CRB1: variants seen among roughly 807,000 people sequenced by gnomAD.
CRB1 encodes crumbs cell polarity complex component 1, also known as protein crumbs homolog 1.
CRB1 carries 83 observed loss-of-function variants against 120.0 expected under a neutral mutation model. The ratio of observed to expected loss-of-function variants is 0.69; its 90% CI spans 0.58 to 0.83. The LOEUF (loss-of-function observed/expected upper bound fraction) is 0.83. Among genes scored for constraint, CRB1 ranks in the 40% least tolerant of loss-of-function variants. CRB1 has a pLI of 0.00. For missense variants in CRB1, 1,699 were observed against 1,687.6 expected (o/e 1.01, Z -0.12); for synonymous variants, 625 against 612.5 (o/e 1.02, Z -0.30).
chr1:197,219,019 T>C, the CRB1 span, among the ~76,000 whole-genome samples: 2 of 152,024 alleles, frequency 1.3e-5, no homozygotes, highest in Non-Finnish European at 2.9e-5. Flanking sequence ...GGACTAAAGC[T>C]CATGTAGCTA....
intron 11 of CRB1, among the ~76,000 whole-genome samples, chr1:197,451,687 A>G (rs991385303): frequency 2.0e-5 from 3 of 152,236 alleles, no homozygotes; most frequent in Admixed American, 2.0e-4. Flanking sequence ...TTCATCCTCA[A>G]TCATTTCCAA....
At chr1:197,367,186 A>G (rs1661121992) in intron 5 of CRB1, among the ~76,000 whole-genome samples, 3 of 152,192 alleles carry the variant, frequency 2.0e-5, no homozygotes, top group African/African-American at 2.4e-5. Flanking sequence ...CACTACTAGA[A>G]GGAATGTTGG....
chr1:197,289,101 G>A (rs751630694), intron 1 of CRB1, among the ~76,000 whole-genome samples: 5 of 151,350 alleles, frequency 3.3e-5, no homozygotes, highest in Non-Finnish European at 7.4e-5. Context: ...GAGCTGCAAC[G>A]GGACAGACCA....
At chr1:197,449,972 A>C (rs1251792511) in intron 11 of CRB1, among the ~76,000 whole-genome samples, 1 of 152,184 alleles carries the variant, frequency 6.6e-6, no homozygotes, top group Non-Finnish European at 1.5e-5. Flanking sequence ...GTAAGATTGC[A>C]AACGTCTCTC....
At chr1:197,267,137 A>G (rs1046006641), upstream of CRB1, among the ~76,000 whole-genome samples, 2 of 152,170 alleles carry the variant, frequency 1.3e-5, no homozygotes, top group Non-Finnish European at 2.9e-5. Context: ...CTGCTTCTCA[A>G]TTCTCCAATT....
At chr1:197,402,566 G>A (rs534435443) in intron 5 of CRB1, among the ~76,000 whole-genome samples, 1 of 152,198 alleles carries the variant, frequency 6.6e-6, no homozygotes, top group African/African-American at 2.4e-5. Flanking sequence ...AAGAAAAATA[G>A]GTCAGCTGTC....
chr1:197,266,124 TC>T (rs1483710432), upstream of CRB1, among the ~76,000 whole-genome samples: 5 of 152,238 alleles, frequency 3.3e-5, no homozygotes, highest in Non-Finnish European at 7.3e-5. Flanking sequence ...ATATCCTTTT[TC>T]TGTAAAACTC....
intron 1 of CRB1, among the ~76,000 whole-genome samples, chr1:197,285,564 C>T (rs1478457314): frequency 1.3e-5 from 2 of 151,826 alleles, no homozygotes; most frequent in Non-Finnish European, 2.9e-5. Flanking sequence ...GCAAATATTA[C>T]AACTGGGCTA....
At chr1:197,365,598 CCTTCTCCTTCTCCTT>C (rs1230764818) in intron 5 of CRB1, among the ~76,000 whole-genome samples, 1 of 142,038 alleles carries the variant, frequency 7.0e-6, no homozygotes, top group Middle Eastern at 3.3e-3. Flanking sequence ...TCCTTCTCCT[CCTTCTCCTTCTCCTT>C]CTTCTTCTTC....
In CRB1 at chr1:197,401,478, A is replaced by T. The variant is rs144923095; in HGVS notation, c.1172-19522A>T. 4.5e-4 allele frequency among the ~76,000 whole-genome samples: 68 copies of T among 152,300 alleles called. No homozygotes were observed. The East Asian group carries it at 0.012, about 28-fold the overall frequency. ...TGATAGCATGGTCTTTGCTAACATAATCATGAGCTTGGGAACAAATTGTTG... is the reference window on the plus strand; with the variant it reads ...TGATAGCATGGTCTTTGCTAACATATTCATGAGCTTGGGAACAAATTGTTG... On this transcript the variant is annotated intron_variant, in intron 5 of 11. Coordinates refer to ENST00000367400, the MANE Select transcript of CRB1 (RefSeq NM_201253.3).
chr1:197,230,845 C>T, the CRB1 span, among the ~76,000 whole-genome samples: 2 of 152,076 alleles, frequency 1.3e-5, no homozygotes, highest in Non-Finnish European at 2.9e-5. Flanking sequence ...TAAATCTTGG[C>T]TTTGCAATTG....
intron 1 of CRB1, among the ~76,000 whole-genome samples, chr1:197,312,679 A>G (rs1343036517): frequency 2.0e-5 from 3 of 152,232 alleles, no homozygotes; most frequent in East Asian, 1.9e-4. Context: ...TATCTATTCA[A>G]ATAAAATAAA....
At chr1:197,203,969 C>G in the CRB1 span, among the ~76,000 whole-genome samples, 1 of 152,190 alleles carries the variant, frequency 6.6e-6, no homozygotes, top group South Asian at 2.1e-4. Context: ...CCCTGAATCC[C>G]CAGAGTCCAT....
intron 8 of CRB1, among the ~76,000 whole-genome samples, chr1:197,433,757 A>G (rs1036028695): frequency 6.6e-6 from 1 of 152,130 alleles, no homozygotes; most frequent in African/African-American, 2.4e-5. Context: ...GCATAGAGGA[A>G]TAATATGTTT....
intron 5 of CRB1, among the ~76,000 whole-genome samples, chr1:197,375,963 G>A (rs1198405015): frequency 3.3e-5 from 5 of 152,154 alleles, no homozygotes; most frequent in Admixed American, 2.0e-4. Context: ...AAACTTCCCT[G>A]TCAACAATTT....
the CRB1 span, among the ~76,000 whole-genome samples, chr1:197,255,189 C>T: frequency 1.3e-5 from 2 of 152,036 alleles, no homozygotes; most frequent in Non-Finnish European, 2.9e-5. Flanking sequence ...TACTGCAAAT[C>T]AAGGTGCACT....
intron 4 of CRB1, 51 bp from the exon 5 acceptor site, chr1:197,356,780 T>G (rs1660499497): frequency 6.3e-7 from 1 of 1,595,610 alleles, no homozygotes. Flanking sequence ...GCAAATGCTC[T>G]ATAATTCAAC....
the CRB1 span, among the ~76,000 whole-genome samples, chr1:197,219,200 A>C: frequency 6.6e-6 from 1 of 152,230 alleles, no homozygotes. Context: ...AATGTTTTTA[A>C]AAATCTGACT....
intron 1 of CRB1, among the ~76,000 whole-genome samples, chr1:197,278,864 C>G (rs1252592150): frequency 6.6e-6 from 1 of 151,872 alleles, no homozygotes; most frequent in Admixed American, 6.6e-5. Flanking sequence ...TCTCCAGGCA[C>G]GTACACTGTA....
Sources: allele counts gnomAD v4.1 joint callset (sites outside exome capture counted in the v4.1 genomes callset), GRCh38; gene constraint gnomAD v4.1.1; transcripts MANE v1.5; gene names NCBI Gene and HGNC (gene_info 2026-07-23, HGNC 2026-07-21).